The following TIGD4 variants were observed in gnomAD, a reference collection of about 807,000 sequenced individuals.
The protein encoded by TIGD4 is tigger transposable element derived 4.
TIGD4 carries 20 observed loss-of-function variants against 24.9 expected under a neutral mutation model. The ratio of observed to expected loss-of-function variants is 0.80; its 90% CI spans 0.56 to 1.17. TIGD4 has a LOEUF of 1.17. Ranked by LOEUF, TIGD4 falls within the 50% of genes most tolerant of loss-of-function variation. The pLI is 0.00. For missense variants in TIGD4, 566 were observed against 591.0 expected (o/e 0.96, Z 0.44); for synonymous variants, 193 against 211.0 (o/e 0.91, Z 0.74).
At chr4:152,773,186 ATTC>A (rs1286875077) in intron 1 of TIGD4, among the ~76,000 whole-genome samples, 1 of 152,180 alleles carries the variant, frequency 6.6e-6, no homozygotes, top group Non-Finnish European at 1.5e-5. Context: ...TGGGCACTCC[ATTC>A]TTCTTGCTGG....
Position 152,771,071 on chromosome 4 carries a change from T to A in TIGD4, c.-67A>T. 1 of 1,509,304 alleles carries A rather than the reference T, an allele frequency of 6.6e-7. No individual in the cohort carries two copies. Among genetic ancestry groups the A allele is most frequent in the Non-Finnish European group, 8.8e-7 (1 of 1,134,046 alleles). 93.5% of individuals were successfully genotyped at this position (1,509,304 alleles called of 1,614,324 possible). A position where few individuals can be genotyped will look rare whatever the true frequency, so the allele number is the denominator to read the frequency against. The stretch of plus-strand genomic sequence containing the variant: ...TGGTGACTGTTTCTTTAATTAAATT[T>A]GTTTTCCAGTATAATATAGATTGCT... On this transcript the variant is annotated 5_prime_UTR_variant, in exon 2 of 2. Transcript: ENST00000304337.
chr4:152,769,738 G>C lies in TIGD4; in HGVS notation c.1267C>G (p.Leu423Val). 2 of 1,613,806 alleles carry C rather than the reference G, an allele frequency of 1.2e-6. No homozygotes were observed. The highest frequency in any genetic ancestry group is 1.1e-5 in the South Asian group (1 of 91,068). ...TCACATGTCTCCAAATCATCATCCA[G>C]GGCAGCATATTCTTCTATAGATAAA... ...EGLSIEEYAA[L>V]DDDLETCEAA... Residue 423 changes from leucine to valine, a missense_variant, in exon 2 of 2, where the codon CTG becomes GTG. Physicochemically the swap from Leu to Val is conservative, Grantham distance 32. Transcript: ENST00000304337.
At position 152,771,501 on chromosome 4, in the gene TIGD4, A is replaced by C. The variant is rs2149805826; in HGVS notation, c.-497T>G. 1 of 166,356 alleles carries C rather than the reference A, an allele frequency of 6.0e-6. No homozygotes were observed. The highest frequency in any genetic ancestry group is 1.5e-5 in the Non-Finnish European group (1 of 68,118). 10.3% of individuals were successfully genotyped at this position (166,356 alleles called of 1,614,324 possible). On this transcript the variant is annotated 5_prime_UTR_variant, in exon 2 of 2. Coordinates refer to ENST00000304337, the MANE Select transcript of TIGD4 (RefSeq NM_145720.4). ...TTCAAGTTTGTTCATGGTAAAGAAG[A>C]AAATGGTAGAATCCTTCTAGAACTT...
chr4:152,777,604 A>C (rs1327541121), intron 1 of TIGD4, among the ~76,000 whole-genome samples: 5 of 149,344 alleles, frequency 3.3e-5, no homozygotes, highest in African/African-American at 9.8e-5. Context: ...GAGGGAGGGA[A>C]GGAGGAAAGA....
chr4:152,773,078 T>C (rs996426571), intron 1 of TIGD4, among the ~76,000 whole-genome samples: 1 of 152,202 alleles, frequency 6.6e-6, no homozygotes, highest in African/African-American at 2.4e-5. Context: ...TAGGCTCACC[T>C]CTACTTTCCC....
rs777972542 is a variant in TIGD4 at position 152,769,786 on chromosome 4, C to T, written c.1219G>A (p.Ala407Thr). 3.1e-6 allele frequency: 5 copies of T among 1,613,344 alleles called. No homozygotes were observed. The highest frequency in any genetic ancestry group is 4.2e-6 in the Non-Finnish European group (5 of 1,179,928). Residue 407 changes from alanine to threonine, a missense_variant, in exon 2 of 2, where the codon GCA (alanine) becomes ACA (threonine). Ala to Thr is a moderately conservative substitution (Grantham distance 58). Coordinates refer to ENST00000304337, the MANE Select transcript of TIGD4 (RefSeq NM_145720.4). The stretch of plus-strand genomic sequence containing the variant: ...AAACCTTCAGGAAATTCTACTCCTG[C>T]CCCCAGAGCATCAGCAACCAAATCC... ...GLDLVADALGAGVEFPEGLSI... is the reference protein window; with the variant it reads ...GLDLVADALGTGVEFPEGLSI...
At chr4:152,775,825 C>T (rs1175672694) in intron 1 of TIGD4, among the ~76,000 whole-genome samples, 3 of 152,246 alleles carry the variant, frequency 2.0e-5, no homozygotes, top group African/African-American at 7.2e-5. Flanking sequence ...AATTCCCTTG[C>T]AAGTAACATA....
At chr4:152,771,688 A>G (rs900376064) in intron 1 of TIGD4, 146 bp from the exon 2 acceptor site, 4 of 152,228 alleles carry the variant, frequency 2.6e-5, no homozygotes, top group African/African-American at 4.8e-5. Flanking sequence ...TCCAAGAGAA[A>G]TGCTTACCTC....
chr4:152,770,222 G>A lies in TIGD4; in HGVS notation c.783C>T (p.Thr261=). 8 of 1,614,054 alleles carry A rather than the reference G, an allele frequency of 5.0e-6. No individual in the cohort carries two copies. The highest frequency in any genetic ancestry group is 1.6e-4 in the Middle Eastern group (1 of 6,062). ...CYEANRMAWM[T]SDVFEQWMRK... is the part of the protein sequence containing the mutation. ...GCATCCATTGTTCAAATACATCGGA[G>A]GTCATCCATGCCATTCTGTTAGCTT... The change falls in exon 2 of 2, where the codon ACC becomes ACT. Residue 261 remains threonine, a synonymous_variant. Transcript: ENST00000304337.
rs780128881 is a variant in TIGD4 at position 152,770,602 on chromosome 4, G to C, written c.403C>G (p.Arg135Gly). 6.2e-7 allele frequency: 1 copy of C among 1,606,172 alleles called. No homozygotes were observed. Residue 135 changes from arginine (R) to glycine (G), a missense_variant, in exon 2 of 2, where the codon CGT becomes GGT. Physicochemically the swap from Arg to Gly is moderately radical, Grantham distance 125. Coordinates refer to ENST00000304337, the MANE Select transcript of TIGD4 (RefSeq NM_145720.4). ...ACTAAACCATACCTGGATTTAAAAC[G>C]ATCCAGCCAACCATTACTGCACTTA... ...DFKCSNGWLD[R>G]FKSRYGLVFR...
intron 1 of TIGD4, among the ~76,000 whole-genome samples, chr4:152,775,072 C>T (rs1006866846): frequency 6.6e-6 from 1 of 152,046 alleles, no homozygotes; most frequent in Admixed American, 6.6e-5. Context: ...TGTGCCACCA[C>T]GTCTGGCTAA....
rs769466119 is a variant in TIGD4 at position 152,769,859 on chromosome 4, A to G, written c.1146T>C (p.Ser382=). 1.9e-6 allele frequency: 3 copies of G among 1,613,002 alleles called. No homozygotes were observed. Among genetic ancestry groups the G allele is most frequent in the South Asian group, 2.2e-5 (2 of 90,956 alleles). The stretch of plus-strand genomic sequence containing the variant: ...TTGTTATGTCACTTTCTCCCTTTTG[A>G]GATTTGAATCCTGCCTCTTCATAGC... ...VKSYEEAGFK[S]QKGESDITNA... is the part of the protein sequence containing the mutation. Residue 382 remains serine, a synonymous_variant, in exon 2 of 2, where the codon TCT becomes TCC. Transcript: ENST00000304337.
intron 1 of TIGD4, among the ~76,000 whole-genome samples, chr4:152,775,091 A>G (rs1361053519): frequency 6.6e-6 from 1 of 151,900 alleles, no homozygotes; most frequent in Non-Finnish European, 1.5e-5. Context: ...AATTTTTTGT[A>G]TTTTTAGTAG....
Position 152,770,979 on chromosome 4 carries a change from G to A in TIGD4, c.26C>T (p.Ser9Leu). The A allele has an allele frequency of 6.2e-7, 1 of 1,607,582 alleles. No homozygotes were observed. Among genetic ancestry groups the A allele is most frequent in the Non-Finnish European group, 8.5e-7 (1 of 1,178,380 alleles). MAEASVDA[S>L]TLPVTVKKKK... The stretch of plus-strand genomic sequence containing the variant: ...TTTCTTCACTGTTACAGGCAGAGTT[G>A]AGGCATCCACAGAAGCTTCTGCCAT... The change falls in exon 2 of 2, where the codon TCA becomes TTA. Residue 9 changes from serine (S) to leucine (L), a missense_variant. Transcript: ENST00000304337.
rs781468932 is a variant in TIGD4, at chr4:152,770,746, G to C, written c.259C>G (p.Leu87Val). 6.2e-6 allele frequency: 10 copies of C among 1,613,312 alleles called. No individual in the cohort carries two copies. The highest frequency in any genetic ancestry group is 4.2e-6 in the Non-Finnish European group (5 of 1,179,800). ...KRLRTAFYTD[L>V]EEALMRWYRI... ...TACCATCTCATTAATGCCTCTTCCA[G>C]ATCTGTGTAAAAAGCAGTTCTCAGT... The change falls in exon 2 of 2, where the codon CTG becomes GTG. Residue 87 changes from leucine to valine, a missense_variant. Coordinates refer to ENST00000304337, the MANE Select transcript of TIGD4 (RefSeq NM_145720.4).
At chr4:152,777,359 C>T (rs1198685496) in intron 1 of TIGD4, among the ~76,000 whole-genome samples, 1 of 152,192 alleles carries the variant, frequency 6.6e-6, no homozygotes, top group Non-Finnish European at 1.5e-5. Context: ...AGTAGATAAT[C>T]TCCATGTCAT....
Position 152,770,528 on chromosome 4 carries a change from C to G in TIGD4, c.477G>C (p.Ser159=), listed in dbSNP as rs141579935. 6.2e-7 allele frequency: 1 copy of G among 1,613,068 alleles called. No individual in the cohort carries two copies. Among genetic ancestry groups the G allele is most frequent in the Admixed American group, 1.7e-5 (1 of 59,852 alleles). ...GAAGTACATTTTGGTACCAGACAGTCGAAGGGTCTACTGGTACACCTGTAG... is the reference window on the plus strand; with the variant it reads ...GAAGTACATTTTGGTACCAGACAGTGGAAGGGTCTACTGGTACACCTGTAG... The part of the protein sequence containing the change: ...VEATGVPVDP[S]TVWYQNVLPY... The change falls in exon 2 of 2, where the codon TCG becomes TCC. Residue 159 remains serine (S), a synonymous_variant. Coordinates refer to ENST00000304337, the MANE Select transcript of TIGD4 (RefSeq NM_145720.4).
intron 1 of TIGD4, among the ~76,000 whole-genome samples, chr4:152,775,876 G>A (rs905808099): frequency 6.6e-6 from 1 of 152,310 alleles, no homozygotes; most frequent in Non-Finnish European, 1.5e-5. Context: ...TTCACAGGGA[G>A]AGGGAATTAT....
chr4:152,770,401 C>G lies in TIGD4; in HGVS notation c.604G>C (p.Glu202Gln). The part of the protein sequence containing the change: ...LPTNTFAFKG[E>Q]TCSVGKLCKD... ...CATAACTTTCCAACTGAACATGTTT[C>G]GCCTTTAAATGCAAATGTATTGGTA... The change falls in exon 2 of 2, where the codon GAA becomes CAA. Residue 202 changes from glutamate to glutamine, a missense_variant. Physicochemically the swap from Glu to Gln is conservative, Grantham distance 29. Transcript: ENST00000304337. 1 of 1,614,108 alleles carries G rather than the reference C, an allele frequency of 6.2e-7. No individual in the cohort carries two copies. Among genetic ancestry groups the G allele is most frequent in the East Asian group, 2.2e-5 (1 of 44,884 alleles).
Sources: gnomAD v4.1 joint callset for allele counts (sites outside exome capture counted in the v4.1 genomes callset) on GRCh38, gnomAD v4.1.1 for gene constraint, MANE v1.5 for transcripts, NCBI Gene and HGNC (gene_info 2026-07-23, HGNC 2026-07-21) for gene names.